NRXN1: variants seen among roughly 807,000 people sequenced by gnomAD.
NRXN1 encodes the protein neurexin 1, also known as neurexin-1.
Under a neutral mutation model 150.9 loss-of-function variants are expected in NRXN1, and 39 were observed. The observed-to-expected ratio is 0.26, with a 90% CI of 0.20 to 0.34. The LOEUF (loss-of-function observed/expected upper bound fraction) is 0.34. Ranked by LOEUF, NRXN1 falls within the 10% of genes least tolerant of loss-of-function variation. NRXN1 has a pLI of 1.00. For synonymous variants in NRXN1, 924 were observed against 757.0 expected, an observed-to-expected ratio of 1.22 and a Z score of -3.62; for missense variants, 1,815 against 1,949.9, an observed-to-expected ratio of 0.93 and a Z score of 1.30.
At chr2:50,661,330 A>AT (rs534249991) in intron 5 of NRXN1, among the ~76,000 whole-genome samples, 80 of 152,134 alleles carry the variant, frequency 5.3e-4, no homozygotes, top group African/African-American at 1.9e-3. Context: ...TTAGACGTGC[A>AT]TTTTTTTGTG....
rs72891330 is a variant in NRXN1 at position 50,887,682 on chromosome 2, T to C, written c.832+34187A>G. On this transcript the variant is annotated intron_variant, in intron 5 of 22. Transcript: ENST00000401669. ...TTGAGCTTGCCATTTGGAATACATTTTTCATAATAGCTAATAACTATCATT... is the reference window on the plus strand; with the variant it reads ...TTGAGCTTGCCATTTGGAATACATTCTTCATAATAGCTAATAACTATCATT... Among the ~76,000 whole-genome samples the C allele has an allele frequency of 7.2e-3, 1,085 of 151,580 alleles. 14 individuals carry two copies. The highest frequency in any genetic ancestry group is 0.025 in the African/African-American group (1,051 of 41,502).
At chr2:50,596,317 C>G (rs1675189265) in intron 8 of NRXN1, among the ~76,000 whole-genome samples, 1 of 152,128 alleles carries the variant, frequency 6.6e-6, no homozygotes, top group Non-Finnish European at 1.5e-5. Context: ...CTCAGATCTT[C>G]TCTTTTATAA....
intron 5 of NRXN1, among the ~76,000 whole-genome samples, chr2:50,667,942 G>A (rs1001768814): frequency 6.6e-6 from 1 of 151,898 alleles, no homozygotes; most frequent in Non-Finnish European, 1.5e-5. Flanking sequence ...TTTCACATTT[G>A]ATATTGTCTA....
At chr2:50,556,382 T>A (rs943171826) in intron 8 of NRXN1, among the ~76,000 whole-genome samples, 1 of 152,142 alleles carries the variant, frequency 6.6e-6, no homozygotes, top group Admixed American at 6.6e-5. Flanking sequence ...TGTCAAAAGT[T>A]GCAATTTACA....
intron 2 of NRXN1, among the ~76,000 whole-genome samples, chr2:50,961,482 G>C (rs1004687495): frequency 1.3e-5 from 2 of 151,584 alleles, no homozygotes; most frequent in Non-Finnish European, 2.9e-5. Flanking sequence ...CTAATCATAT[G>C]GTTTATTGTC....
At chr2:50,838,873 C>T (rs1254890240) in intron 5 of NRXN1, among the ~76,000 whole-genome samples, 1 of 152,058 alleles carries the variant, frequency 6.6e-6, no homozygotes, top group Non-Finnish European at 1.5e-5. Context: ...TGTCTTCAAA[C>T]TTTGGTACTG....
chr2:50,154,281 G>A (rs1181609904), intron 18 of NRXN1, among the ~76,000 whole-genome samples: 1 of 151,492 alleles, frequency 6.6e-6, no homozygotes, highest in East Asian at 1.9e-4. Flanking sequence ...GGTGATGAGT[G>A]CACCAAAATC....
intron 8 of NRXN1, among the ~76,000 whole-genome samples, chr2:50,608,166 G>A (rs1444316012): frequency 1.3e-5 from 2 of 151,956 alleles, no homozygotes; most frequent in African/African-American, 4.8e-5. Context: ...TCTAAAATCT[G>A]GATTTGAGTT....
intron 5 of NRXN1, among the ~76,000 whole-genome samples, chr2:50,893,879 T>A (rs1681483766): frequency 1.3e-5 from 2 of 152,174 alleles, no homozygotes; most frequent in Non-Finnish European, 2.9e-5. Flanking sequence ...TGTGATAGTT[T>A]ACTGAGAATG....
chr2:50,885,815 C>A (rs1680142712), intron 5 of NRXN1, among the ~76,000 whole-genome samples: 1 of 93,374 alleles, frequency 1.1e-5, no homozygotes, highest in Non-Finnish European at 2.7e-5. Context: ...GTAAATATTT[C>A]TATAAACACA....
At chr2:50,630,363 G>C (rs1373416681) in intron 5 of NRXN1, among the ~76,000 whole-genome samples, 1 of 151,612 alleles carries the variant, frequency 6.6e-6, no homozygotes, top group Non-Finnish European at 1.5e-5. Flanking sequence ...GTTAAACAAA[G>C]ATAGGTTAAA....
At chr2:49,958,901 G>A (rs116017547) in intron 21 of NRXN1, among the ~76,000 whole-genome samples, 2,939 of 152,152 alleles carry the variant, frequency 0.019, 84 homozygotes, top group African/African-American at 0.066. Context: ...AAAGTTCTCC[G>A]TCCTGAGAAA....
chr2:50,376,036 C>CACATAT (rs373213029), intron 17 of NRXN1, among the ~76,000 whole-genome samples: 5 of 144,318 alleles, frequency 3.5e-5, no homozygotes, highest in Admixed American at 3.4e-4. Context: ...CACATAAATA[C>CACATAT]ATATATATAT....
At chr2:50,971,312 T>C (rs1346800804) in intron 2 of NRXN1, among the ~76,000 whole-genome samples, 3 of 152,056 alleles carry the variant, frequency 2.0e-5, no homozygotes, top group South Asian at 2.1e-4. Context: ...AGGCCGGGCG[T>C]GGTGGCTCAC....
intron 5 of NRXN1, among the ~76,000 whole-genome samples, chr2:50,745,208 T>G (rs1699866911): frequency 1.3e-5 from 2 of 152,116 alleles, no homozygotes; most frequent in South Asian, 4.1e-4. Flanking sequence ...ATGAAATGAC[T>G]ATAGCTAGAA....
chr2:50,475,453 C>T (rs545106421), intron 15 of NRXN1, among the ~76,000 whole-genome samples: 43 of 152,074 alleles, frequency 2.8e-4, no homozygotes, highest in African/African-American at 1.0e-3. Context: ...TAAAATGCAC[C>T]AACTTACTTC....
chr2:49,946,477 AT>A (rs1009830906), intron 21 of NRXN1, among the ~76,000 whole-genome samples: 1 of 152,008 alleles, frequency 6.6e-6, no homozygotes, highest in African/African-American at 2.4e-5. Context: ...CCTAAATGGT[AT>A]TGCCTAGGTT....
intron 5 of NRXN1, among the ~76,000 whole-genome samples, chr2:50,694,582 T>C (rs1692546118): frequency 6.6e-6 from 1 of 152,176 alleles, no homozygotes; most frequent in Admixed American, 6.5e-5. Context: ...TTTATCTCTG[T>C]TCATCTCTAC....
At position 50,009,372 on chromosome 2, in the gene NRXN1, T is replaced by C. The variant is rs796596000; in HGVS notation, c.4128+43899A>G. Among the ~76,000 whole-genome samples, 42 of 152,258 alleles carry C rather than the reference T, an allele frequency of 2.8e-4. 1 individual carries two copies. Among genetic ancestry groups the C allele is most frequent in the African/African-American group, 9.9e-4 (41 of 41,568 alleles). ...TCCAATTCCTTCACTCAGTCACTTA[T>C]ATGAGGGCTAAAGCCATGGTAACAT... On this transcript the variant is annotated intron_variant, in intron 21 of 22. Coordinates refer to ENST00000401669, the MANE Select transcript of NRXN1 (RefSeq NM_001330078.2).
Sources: allele counts gnomAD v4.1 joint callset (sites outside exome capture counted in the v4.1 genomes callset), GRCh38; gene constraint gnomAD v4.1.1; transcripts MANE v1.5; gene names NCBI Gene and HGNC (gene_info 2026-07-23, HGNC 2026-07-21).